KCTD2: variants seen among roughly 807,000 people sequenced by gnomAD.
The protein encoded by KCTD2 is potassium channel tetramerization domain containing 2.
A neutral mutation model predicts 27.9 loss-of-function variants in KCTD2; 18 were observed. That is an observed-to-expected ratio of 0.64 (90% CI 0.45 to 0.96). The LOEUF (loss-of-function observed/expected upper bound fraction) is 0.96, where lower values mean the gene tolerates loss of function less well. Ranked by LOEUF, KCTD2 falls within the 40% of genes least tolerant of loss-of-function variation. KCTD2 has a pLI of 0.00. For missense variants in KCTD2, 280 were observed against 348.0 expected (o/e 0.80, Z 1.56); for synonymous variants, 175 against 148.4 (o/e 1.18, Z -1.30).
At position 75,047,505 on chromosome 17, in the gene KCTD2, C is replaced by G; in HGVS notation, c.255C>G (p.Thr85=). 1 of 1,610,224 alleles carries G rather than the reference C, an allele frequency of 6.2e-7. No homozygotes were observed. Among genetic ancestry groups the G allele is most frequent in the Non-Finnish European group, 8.5e-7 (1 of 1,179,054 alleles). ...RLNVGGTYFV[T]TRQTLGREPK... ...ACGTGGGAGGCACCTACTTCGTGACCACCAGACAGACCTTAGGCCGGGAGC... is the reference window on the plus strand; with the variant it reads ...ACGTGGGAGGCACCTACTTCGTGACGACCAGACAGACCTTAGGCCGGGAGC... The change falls in exon 1 of 6, where the codon ACC becomes ACG. Residue 85 remains threonine (T), a synonymous_variant. Coordinates refer to ENST00000322444, the MANE Select transcript of KCTD2 (RefSeq NM_015353.3).
At chr17:75,037,707 T>G (rs183598972) in intron 3 of KCTD2, among the ~76,000 whole-genome samples, 3 of 152,332 alleles carry the variant, frequency 2.0e-5, no homozygotes, top group East Asian at 1.9e-4. Flanking sequence ...TGCTCAGGTC[T>G]GCTAACCATA....
upstream of KCTD2, among the ~76,000 whole-genome samples, chr17:75,044,233 CT>C (rs1432675762): frequency 2.2e-3 from 246 of 109,548 alleles, no homozygotes; most frequent in African/African-American, 5.7e-3. Context: ...GAGTCTCGCT[CT>C]GTCGCCCAGG....
At chr17:75,057,142 C>T (rs1209314771) in intron 3 of KCTD2, among the ~76,000 whole-genome samples, 1 of 151,886 alleles carries the variant, frequency 6.6e-6, no homozygotes, top group African/African-American at 2.4e-5. Flanking sequence ...TTAGTAGAGA[C>T]AGGGTATCCC....
intron 2 of KCTD2, chr17:75,035,152 C>T (rs890416325): frequency 1.3e-5 from 2 of 152,098 alleles, no homozygotes; most frequent in African/African-American, 4.8e-5. Flanking sequence ...GACTTCGGAT[C>T]AGAAGATTGA....
In KCTD2 at chr17:75,053,047, C is replaced by A. The variant is rs1243356686; in HGVS notation, c.482C>A (p.Ala161Glu). 1 of 1,613,996 alleles carries A rather than the reference C, an allele frequency of 6.2e-7. No homozygotes were observed. The highest frequency in any genetic ancestry group is 8.5e-7 in the Non-Finnish European group (1 of 1,180,014). Residue 161 changes from alanine (A) to glutamate (E), a missense_variant, in exon 3 of 6, where the codon GCG (alanine) becomes GAG (glutamate). Physicochemically the swap from Ala to Glu is moderately radical, Grantham distance 107. Transcript: ENST00000322444. ...GAGGAAGCGGAGTTTTACAACATCGCGTCCCTTGTGCGGCTGGTTAAGGAA... is the reference window on the plus strand; with the variant it reads ...GAGGAAGCGGAGTTTTACAACATCGAGTCCCTTGTGCGGCTGGTTAAGGAA... ...VLEEAEFYNIASLVRLVKERI... is the reference protein window; with the variant it reads ...VLEEAEFYNIESLVRLVKERI...
intron 3 of KCTD2, chr17:75,040,046 C>T: frequency 1.9e-6 from 3 of 1,602,152 alleles, no homozygotes; most frequent in South Asian, 2.2e-5. Context: ...AGAGAGCTGT[C>T]AAGATCAAGA....
intron 2 of KCTD2, among the ~76,000 whole-genome samples, chr17:75,052,203 T>C (rs376749903): frequency 1.3e-4 from 20 of 152,276 alleles, no homozygotes; most frequent in East Asian, 7.7e-4. Flanking sequence ...GTTTGACTAA[T>C]TTATGTTGGA....
chr17:75,047,059 T>A, upstream of KCTD2: 1 of 267,174 alleles, frequency 3.7e-6, no homozygotes, highest in Admixed American at 5.4e-5. Context: ...AGATGAGGGC[T>A]GGTTCCGGAA....
At position 75,062,699 on chromosome 17, in the gene KCTD2, AACACACACACAC is replaced by A. The variant is rs10533801; in HGVS notation, c.763-285_763-274del. Reference sequence around the variant, plus strand: ...TCCACTGTGCACCCCCCTCACCCCCAACACACACACACACACACACACACACACACACACACA... The same window carrying A: ...TCCACTGTGCACCCCCCTCACCCCCAACACACACACACACACACACACACA... On this transcript the variant is annotated intron_variant, in intron 5 of 5. Coordinates refer to ENST00000322444, the MANE Select transcript of KCTD2 (RefSeq NM_015353.3). Among the ~76,000 whole-genome samples, 192 of 116,068 alleles carry A rather than the reference AACACACACACAC, an allele frequency of 1.7e-3. 1 individual carries two copies. Among genetic ancestry groups the A allele is most frequent in the African/African-American group, 2.0e-3 (66 of 32,298 alleles). The allele number at this position is 116,068 out of a possible 152,430, so 76.1% of individuals were successfully genotyped here. A position where few individuals can be genotyped will look rare whatever the true frequency, so the allele number is the denominator to read the frequency against.
At chr17:75,054,464 A>G (rs1045045705) in intron 3 of KCTD2, among the ~76,000 whole-genome samples, 3 of 152,038 alleles carry the variant, frequency 2.0e-5, no homozygotes, top group African/African-American at 4.8e-5. Flanking sequence ...AATAGCTTCT[A>G]TTTGGCCCTT....
At chr17:75,046,019 GTC>G (rs576283437), upstream of KCTD2, among the ~76,000 whole-genome samples, 107 of 152,316 alleles carry the variant, frequency 7.0e-4, no homozygotes, top group Non-Finnish European at 1.2e-3. Context: ...GTTTCAGCCG[GTC>G]TCTCTGTTTG....
chr17:75,042,210 C>T, intron 3 of KCTD2: 1 of 1,614,180 alleles, frequency 6.2e-7, no homozygotes. Context: ...ACCAAGCCAG[C>T]CTTGGCCACA....
chr17:75,037,440 G>C (rs2073115093), intron 3 of KCTD2, among the ~76,000 whole-genome samples: 1 of 151,420 alleles, frequency 6.6e-6, no homozygotes, highest in Non-Finnish European at 1.5e-5. Context: ...GCCACATCAA[G>C]TCAGCCTTTG....
chr17:75,058,713 C>A (rs968308317), intron 3 of KCTD2, among the ~76,000 whole-genome samples: 76 of 151,586 alleles, frequency 5.0e-4, no homozygotes, highest in Non-Finnish European at 9.7e-4. Flanking sequence ...GCGGGAGAAT[C>A]GCTTGAACCG....
chr17:75,059,067 C>T (rs2073378320), intron 3 of KCTD2: 1 of 152,070 alleles, frequency 6.6e-6, no homozygotes, highest in Non-Finnish European at 1.5e-5. Context: ...CATTGCACTC[C>T]AGCCTGGGCG....
chr17:75,053,302 C>G (rs991107426), intron 3 of KCTD2, among the ~76,000 whole-genome samples, 197 bp downstream of exon 3: 1 of 152,156 alleles, frequency 6.6e-6, no homozygotes, highest in Non-Finnish European at 1.5e-5. Context: ...AGGCCTATGT[C>G]CCAATAGAAT....
chr17:75,049,776 TC>T (rs2073265798), intron 2 of KCTD2, among the ~76,000 whole-genome samples: 1 of 152,254 alleles, frequency 6.6e-6, no homozygotes, highest in African/African-American at 2.4e-5. Flanking sequence ...GCCTCATGCT[TC>T]CCTGTAAATG....
intron 4 of KCTD2, among the ~76,000 whole-genome samples, chr17:75,060,329 A>C (rs2073391109): frequency 6.6e-6 from 1 of 152,158 alleles, no homozygotes; most frequent in African/African-American, 2.4e-5. Flanking sequence ...ACTTCCCACA[A>C]GCTGTGGTGT....
At chr17:75,057,752 G>T (rs1220062380) in intron 3 of KCTD2, among the ~76,000 whole-genome samples, 2 of 151,482 alleles carry the variant, frequency 1.3e-5, no homozygotes, top group African/African-American at 4.8e-5. Flanking sequence ...GTAGAGATGG[G>T]GTTTCACCAT....
Sources: gnomAD v4.1 joint callset for allele counts (sites outside exome capture counted in the v4.1 genomes callset) on GRCh38, gnomAD v4.1.1 for gene constraint, MANE v1.5 for transcripts, NCBI Gene and HGNC (gene_info 2026-07-23, HGNC 2026-07-21) for gene names.